The following TGFBR3 variants were observed in gnomAD, a reference collection of about 807,000 sequenced individuals.
TGFBR3 encodes the protein transforming growth factor beta receptor 3.
A neutral mutation model predicts 87.9 loss-of-function variants in TGFBR3; 46 were observed. The ratio of observed to expected loss-of-function variants is 0.52; its 90% CI spans 0.41 to 0.67. The LOEUF is 0.67. Ranked by LOEUF, TGFBR3 falls within the 30% of genes least tolerant of loss-of-function variation. The pLI is 0.00. For synonymous variants in TGFBR3, 381 were observed against 391.6 expected, an observed-to-expected ratio of 0.97 and a Z score of 0.32; for missense variants, 866 against 1,041.9, an observed-to-expected ratio of 0.83 and a Z score of 2.32.
chr1:91,695,703 C>G lies in TGFBR3; in HGVS notation c.2406G>C (p.Thr802=). The G allele has an allele frequency of 6.2e-7, 1 of 1,614,184 alleles. No individual in the cohort carries two copies. The highest frequency in any genetic ancestry group is 2.2e-5 in the East Asian group (1 of 44,886). The change falls in exon 16 of 17, where the codon ACG becomes ACC. Residue 802 remains threonine, a synonymous_variant. Coordinates refer to ENST00000212355, the MANE Select transcript of TGFBR3 (RefSeq NM_003243.5). ...FAAFVIGALL[T]GALWYIYSHT... ...GAGAATAGATGTACCACAAGGCCCC[C>G]GTCAGGAGTGCTCCGATCACAAAGG...
intron 2 of TGFBR3, among the ~76,000 whole-genome samples, chr1:91,848,281 G>A (rs112307644): frequency 6.6e-5 from 10 of 152,246 alleles, no homozygotes; most frequent in African/African-American, 2.4e-4. Context: ...TCAGACTAAC[G>A]GTATCAGCAT....
chr1:91,905,700 A>T (rs752184505), intron 1 of TGFBR3: 1 of 152,182 alleles, frequency 6.6e-6, no homozygotes, highest in Admixed American at 6.5e-5. Context: ...CTGGCCAACC[A>T]GTTACTTTTG....
chr1:91,887,031 G>C (rs1276545570), upstream of TGFBR3, among the ~76,000 whole-genome samples: 2 of 152,018 alleles, frequency 1.3e-5, no homozygotes, highest in African/African-American at 2.4e-5. Flanking sequence ...TTATTAAAAA[G>C]TATACTTAAG....
intron 2 of TGFBR3, among the ~76,000 whole-genome samples, chr1:91,825,841 C>T (rs979184138): frequency 5.1e-4 from 78 of 152,096 alleles, no homozygotes; most frequent in African/African-American, 1.6e-3. Flanking sequence ...ATTAGCCAGG[C>T]GTGGTGGTGG....
At chr1:91,789,093 C>T (rs544423409) in intron 3 of TGFBR3, among the ~76,000 whole-genome samples, 6 of 152,164 alleles carry the variant, frequency 3.9e-5, no homozygotes, top group South Asian at 2.1e-4. Flanking sequence ...GTCAAGAGAT[C>T]GAGGCCATCC....
At chr1:91,736,783 C>CT (rs1200418429) in intron 4 of TGFBR3, among the ~76,000 whole-genome samples, 7 of 152,170 alleles carry the variant, frequency 4.6e-5, no homozygotes, top group Non-Finnish European at 1.0e-4. Flanking sequence ...AGTCCAGAGG[C>CT]CTTTGTCCCA....
intron 2 of TGFBR3, among the ~76,000 whole-genome samples, chr1:91,799,207 T>C (rs1675506049): frequency 6.6e-6 from 1 of 152,248 alleles, no homozygotes; most frequent in Non-Finnish European, 1.5e-5. Context: ...GCCAAGTCTA[T>C]TTCAGGACTT....
chr1:91,793,038 G>A (rs548155399), intron 3 of TGFBR3, among the ~76,000 whole-genome samples: 11 of 152,304 alleles, frequency 7.2e-5, no homozygotes, highest in African/African-American at 2.6e-4. Context: ...ACATTGCTTT[G>A]GTACTGAGGG....
At chr1:91,727,910 TA>T in intron 6 of TGFBR3, 104 bp from the exon 7 acceptor site, 1 of 1,408,368 alleles carries the variant, frequency 7.1e-7, no homozygotes, top group Non-Finnish European at 9.9e-7. Context: ...GCCAGTTGAT[TA>T]AAAAGCTGGA....
chr1:91,897,806 G>A (rs1679582680), intron 2 of TGFBR3, among the ~76,000 whole-genome samples: 2 of 152,116 alleles, frequency 1.3e-5, no homozygotes, highest in African/African-American at 4.8e-5. Context: ...ACAGAAAAAT[G>A]CAAAGAATAT....
rs143532379 is a variant in TGFBR3, at chr1:91,895,876, A to G, written c.-114+3761T>C. 1.1e-3 allele frequency among the ~76,000 whole-genome samples: 165 copies of G among 152,268 alleles called. 1 individual carries two copies. The highest frequency in any genetic ancestry group is 3.9e-3 in the African/African-American group (163 of 41,562). ...CCCAGTAGCTCAGGTCAAACACATTATGGGTCATCATTGATTTATCTCTGT... is the reference window on the plus strand; with the variant it reads ...CCCAGTAGCTCAGGTCAAACACATTGTGGGTCATCATTGATTTATCTCTGT... On this transcript the variant is annotated intron_variant, in intron 2 of 17. Transcript: ENST00000370399.
chr1:91,901,953 A>AC (rs1262465928), intron 1 of TGFBR3, among the ~76,000 whole-genome samples: 3 of 151,586 alleles, frequency 2.0e-5, no homozygotes, highest in Non-Finnish European at 2.9e-5. Flanking sequence ...AAAAAAAAAA[A>AC]AACGGTATGT....
intron 3 of TGFBR3, among the ~76,000 whole-genome samples, chr1:91,776,988 C>T (rs1333340858): frequency 1.3e-5 from 2 of 152,198 alleles, no homozygotes; most frequent in Non-Finnish European, 2.9e-5. Context: ...ATTCATTCCA[C>T]ACCTGACCCC....
At chr1:91,876,246 C>T (rs1678803700) in intron 1 of TGFBR3, among the ~76,000 whole-genome samples, 2 of 152,100 alleles carry the variant, frequency 1.3e-5, no homozygotes, top group South Asian at 4.1e-4. Context: ...TCAGGAAAGT[C>T]TTATTCAACA....
upstream of TGFBR3, among the ~76,000 whole-genome samples, chr1:91,888,668 C>T (rs2101324944): frequency 6.6e-6 from 1 of 152,254 alleles, no homozygotes; most frequent in South Asian, 2.1e-4. Flanking sequence ...TGCCATTGCA[C>T]TCTAGCCTGG....
At chr1:91,785,319 G>C (rs964992762) in intron 3 of TGFBR3, among the ~76,000 whole-genome samples, 1 of 152,212 alleles carries the variant, frequency 6.6e-6, no homozygotes, top group African/African-American at 2.4e-5. Flanking sequence ...CTAGTGCCGG[G>C]TCGTGGGGGG....
chr1:91,863,414 T>C (rs977247808), intron 1 of TGFBR3, among the ~76,000 whole-genome samples: 5 of 152,232 alleles, frequency 3.3e-5, no homozygotes, highest in Non-Finnish European at 5.9e-5. Context: ...TGAATGAACA[T>C]ATCCTGTGGT....
At chr1:91,718,064 T>C (rs1479285641) in intron 10 of TGFBR3, among the ~76,000 whole-genome samples, 1 of 152,022 alleles carries the variant, frequency 6.6e-6, no homozygotes, top group African/African-American at 2.4e-5. Flanking sequence ...GTTAATAAAT[T>C]AATTATTTGA....
At chr1:91,891,423 G>A (rs565039389) in intron 2 of TGFBR3, among the ~76,000 whole-genome samples, 8 of 151,758 alleles carry the variant, frequency 5.3e-5, no homozygotes, top group Non-Finnish European at 7.4e-5. Context: ...ACTTGAGCCC[G>A]GTAGGTTGAG....
Sources: gnomAD v4.1 joint callset for allele counts (sites outside exome capture counted in the v4.1 genomes callset) on GRCh38, gnomAD v4.1.1 for gene constraint, MANE v1.5 for transcripts, NCBI Gene and HGNC (gene_info 2026-07-23, HGNC 2026-07-21) for gene names.